Variants in VAPA observed in about 807,000 individuals in gnomAD.
VAPA encodes vesicle-associated membrane protein-associated protein A.
In VAPA, 6 loss-of-function variants were observed where a neutral mutation model predicts 25.6. The ratio of observed to expected loss-of-function variants is 0.23; its 90% CI spans 0.13 to 0.46. The LOEUF is 0.46. Ranked by LOEUF, VAPA falls within the 20% of genes least tolerant of loss-of-function variation. The probability of loss-of-function intolerance (pLI) is 0.99; values close to 1 mark genes in which losing one functional copy is unlikely to be tolerated. For synonymous variants in VAPA, 112 were observed against 106.2 expected (o/e 1.05, Z -0.34); for missense variants, 244 against 302.1 (o/e 0.81, Z 1.43).
chr18:9,951,964 A>G (rs2069494643), intron 5 of VAPA, among the ~76,000 whole-genome samples: 1 of 152,198 alleles, frequency 6.6e-6, no homozygotes, highest in Non-Finnish European at 1.5e-5. Context: ...CCTACACGCC[A>G]TGGATCTTTT....
At chr18:9,939,901 A>T (rs2069349900) in intron 4 of VAPA, among the ~76,000 whole-genome samples, 1 of 152,200 alleles carries the variant, frequency 6.6e-6, no homozygotes, top group Non-Finnish European at 1.5e-5. Flanking sequence ...AGACAGTATG[A>T]CCTAGGTCTG....
chr18:9,953,369 T>G (rs545648999), intron 5 of VAPA, among the ~76,000 whole-genome samples: 35 of 152,246 alleles, frequency 2.3e-4, no homozygotes, highest in Non-Finnish European at 4.1e-4. Flanking sequence ...GAAACAGTAT[T>G]CTTTCTCTGC....
chr18:9,918,002 GA>G (rs1233525302), intron 1 of VAPA, among the ~76,000 whole-genome samples: 1 of 148,934 alleles, frequency 6.7e-6, no homozygotes, highest in Admixed American at 6.6e-5. Flanking sequence ...ATAAAAGTCA[GA>G]TTTTTTTTTT....
chr18:9,947,297 A>G (rs1045463466), intron 4 of VAPA, among the ~76,000 whole-genome samples: 8 of 152,254 alleles, frequency 5.3e-5, no homozygotes, highest in African/African-American at 7.2e-5. Context: ...CATATGTGCA[A>G]TACTTTTATA....
chr18:9,925,379 A>G (rs774819756), intron 1 of VAPA, among the ~76,000 whole-genome samples: 1 of 152,118 alleles, frequency 6.6e-6, no homozygotes, highest in Non-Finnish European at 1.5e-5. Context: ...TTTTCCATTA[A>G]TCTCAGGATC....
intron 5 of VAPA, chr18:9,950,821 CTT>C: frequency 2.4e-6 from 1 of 409,712 alleles, no homozygotes; most frequent in Non-Finnish European, 4.5e-6. Context: ...AGCTTCTGCT[CTT>C]GTTTCTCATG....
Position 9,936,292 on chromosome 18 carries a change from A to G in VAPA, c.336+79A>G, listed in dbSNP as rs1052679603. ...TGTTTAGCAGTCAGTAGAAAAACTT[A>G]ATTTCTAAAAACTAAAAGTTAAATT... On this transcript the variant is annotated intron_variant, in intron 3 of 5. Coordinates refer to ENST00000400000, the MANE Select transcript of VAPA (RefSeq NM_194434.3). 14 of 898,776 alleles carry G rather than the reference A, an allele frequency of 1.6e-5. No homozygotes were observed. The African/African-American group carries it at 2.2e-4, about 14-fold the overall frequency. The allele number at this position is 898,776 out of a possible 1,614,324, so 55.7% of individuals were successfully genotyped here. A position where few individuals can be genotyped will look rare whatever the true frequency, so the allele number is the denominator to read the frequency against.
chr18:9,958,667 A>C lies in VAPA; in HGVS notation c.*4456A>C, dbSNP rs1219338196. ...TTTTTAAATGCCAAAGGCAGATATGAAGTAGATTTAATTAAGACTTGACTT... is the reference window on the plus strand; with the variant it reads ...TTTTTAAATGCCAAAGGCAGATATGCAGTAGATTTAATTAAGACTTGACTT... On this transcript the variant is annotated 3_prime_UTR_variant, in exon 6 of 6. Coordinates refer to ENST00000400000, the MANE Select transcript of VAPA (RefSeq NM_194434.3). The C allele has an allele frequency of 6.6e-6, 1 of 152,094 alleles. No individual in the cohort carries two copies. The highest frequency in any genetic ancestry group is 1.5e-5 in the Non-Finnish European group (1 of 68,006). 9.4% of individuals were successfully genotyped at this position (152,094 alleles called of 1,614,324 possible).
intron 1 of VAPA, among the ~76,000 whole-genome samples, chr18:9,915,472 AAG>A (rs1413467702): frequency 2.0e-5 from 3 of 152,180 alleles, no homozygotes; most frequent in Non-Finnish European, 4.4e-5. Flanking sequence ...GGAATACTGA[AAG>A]AGTGTGAACA....
At chr18:9,942,702 C>T (rs958204320) in intron 4 of VAPA, among the ~76,000 whole-genome samples, 2 of 152,096 alleles carry the variant, frequency 1.3e-5, no homozygotes, top group African/African-American at 4.8e-5. Context: ...GGAGCAGATG[C>T]CTCACGTGGT....
chr18:9,939,399 C>G (rs2069343879), intron 4 of VAPA, among the ~76,000 whole-genome samples: 1 of 152,088 alleles, frequency 6.6e-6, no homozygotes, highest in East Asian at 1.9e-4. Flanking sequence ...AGGTGATCCA[C>G]CTGCCTTGGC....
At chr18:9,932,847 G>C (rs765912744) in intron 2 of VAPA, among the ~76,000 whole-genome samples, 1 of 152,140 alleles carries the variant, frequency 6.6e-6, no homozygotes, top group African/African-American at 2.4e-5. Flanking sequence ...GGTGGCTTAT[G>C]CCTGTAATCC....
At chr18:9,937,169 A>G (rs1213410629) in intron 4 of VAPA, 103 bp downstream of exon 4, 15 of 743,498 alleles carry the variant, frequency 2.0e-5, no homozygotes, top group African/African-American at 7.4e-5. Context: ...TGATATGGCT[A>G]TTACACTTCA....
At position 9,943,346 on chromosome 18, in the gene VAPA, A is replaced by G. The variant is rs148831892; in HGVS notation, c.417+6280A>G. 1.8e-4 allele frequency among the ~76,000 whole-genome samples: 27 copies of G among 152,330 alleles called. No individual in the cohort carries two copies. In the East Asian group the frequency reaches 4.1e-3, roughly 23 times the overall value. ...TTAGGAACCCTTTCATTTTAGAACA[A>G]AAAGACTCAATATTTTTTCCTGGAT... On this transcript the variant is annotated intron_variant, in intron 4 of 5. Coordinates refer to ENST00000400000, the MANE Select transcript of VAPA (RefSeq NM_194434.3).
At chr18:9,922,939 T>TAAC (rs1302601348) in intron 1 of VAPA, among the ~76,000 whole-genome samples, 1 of 152,208 alleles carries the variant, frequency 6.6e-6, no homozygotes, top group African/African-American at 2.4e-5. Context: ...GCCATATTTG[T>TAAC]AACACATTAT....
At chr18:9,932,446 C>CT (rs1765293192) in intron 2 of VAPA, among the ~76,000 whole-genome samples, 1 of 152,120 alleles carries the variant, frequency 6.6e-6, no homozygotes, top group Admixed American at 6.5e-5. Flanking sequence ...TGTGTGAAAA[C>CT]TTTATTTTTA....
intron 4 of VAPA, among the ~76,000 whole-genome samples, chr18:9,939,163 A>C (rs2069340967): frequency 6.6e-6 from 1 of 151,782 alleles, no homozygotes; most frequent in South Asian, 2.1e-4. Context: ...ATAAAGTCCA[A>C]ATAGTTCTTC....
At chr18:9,925,195 A>C (rs1461366526) in intron 1 of VAPA, 1 of 152,142 alleles carries the variant, frequency 6.6e-6, no homozygotes, top group East Asian at 1.9e-4. Flanking sequence ...GATTTTGGAG[A>C]GTTTTCATGA....
intron 1 of VAPA, among the ~76,000 whole-genome samples, chr18:9,920,169 A>C (rs1184018049): frequency 1.3e-5 from 2 of 152,208 alleles, no homozygotes; most frequent in Non-Finnish European, 1.5e-5. Flanking sequence ...TAGGTCTTTC[A>C]GGATATTAAC....
Sources: allele counts gnomAD v4.1 joint callset (sites outside exome capture counted in the v4.1 genomes callset), GRCh38; gene constraint gnomAD v4.1.1; transcripts MANE v1.5; gene names NCBI Gene and HGNC (gene_info 2026-07-23, HGNC 2026-07-21).